Variants in WFS1 observed in about 807,000 individuals in gnomAD.
WFS1 encodes wolframin ER transmembrane glycoprotein, also known as wolframin.
In WFS1, 90 loss-of-function variants were observed where a neutral mutation model predicts 68.5. The observed-to-expected ratio is 1.31, with a 90% CI of 1.11 to 1.56. The LOEUF (loss-of-function observed/expected upper bound fraction) is 1.56, where lower values mean the gene tolerates loss of function less well. WFS1 is among the 40% of genes most tolerant of loss of function. The probability of loss-of-function intolerance (pLI) is 0.00; values close to 1 mark genes in which losing one functional copy is unlikely to be tolerated. For synonymous variants in WFS1, 860 were observed against 540.7 expected, an observed-to-expected ratio of 1.59 and a Z score of -8.19; for missense variants, 1,767 against 1,232.6, an observed-to-expected ratio of 1.43 and a Z score of -6.49.
chr4:6,298,175 C>G (rs6823148), intron 7 of WFS1, among the ~76,000 whole-genome samples: 2 of 152,194 alleles, frequency 1.3e-5, no homozygotes. Context: ...TCCTGCTGTT[C>G]GCAAGGCCCC....
intron 7 of WFS1, among the ~76,000 whole-genome samples, chr4:6,295,570 T>A (rs1207120814): frequency 6.6e-6 from 1 of 152,168 alleles, no homozygotes; most frequent in Admixed American, 6.5e-5. Flanking sequence ...GGCCAGTGCC[T>A]TGAAGATGCC....
Position 6,302,923 on chromosome 4 carries a change from A to G in WFS1, c.*455A>G, listed in dbSNP as rs756674774. ...ATTTGTTTGGTCACTGCTACACCTT[A>G]GCAGCTCTTCCCCTTTCCTGGGGGA... On this transcript the variant is annotated 3_prime_UTR_variant, in exon 8 of 8. Transcript: ENST00000226760. 2.5e-4 allele frequency: 48 copies of G among 190,610 alleles called. No homozygotes were observed. Among genetic ancestry groups the G allele is most frequent in the Admixed American group, 5.3e-4 (10 of 18,742 alleles). The allele number at this position is 190,610 out of a possible 1,614,324, so 11.8% of individuals were successfully genotyped here.
At position 6,277,476 on chromosome 4, in the gene WFS1, G is replaced by T. The variant is rs372928810; in HGVS notation, c.21G>T (p.Pro7=). 3,356 of 1,557,912 alleles carry T rather than the reference G, an allele frequency of 2.2e-3. 103 individuals carry two copies. In the South Asian group the frequency reaches 0.037, roughly 17 times the overall value. Residue 7 remains proline, a synonymous_variant, in exon 2 of 8, where the codon CCG becomes CCT. Coordinates refer to ENST00000226760, the MANE Select transcript of WFS1 (RefSeq NM_006005.3). MDSNTA[P]LGPSCPQPPP... is the part of the protein sequence containing the mutation. ...GCAGGATGGACTCCAACACTGCTCC[G>T]CTGGGCCCCTCCTGCCCACAGCCCC...
chr4:6,300,272 C>T (rs1218799782), intron 7 of WFS1, among the ~76,000 whole-genome samples: 1 of 152,172 alleles, frequency 6.6e-6, no homozygotes, highest in African/African-American at 2.4e-5. Context: ...AGCTCCCAGA[C>T]AGGCATCTCA....
chr4:6,293,749 T>C (rs1730542894), intron 6 of WFS1, among the ~76,000 whole-genome samples: 1 of 152,202 alleles, frequency 6.6e-6, no homozygotes, highest in African/African-American at 2.4e-5. Context: ...GGGGCCTTCC[T>C]TGTGGGGACC....
intron 7 of WFS1, among the ~76,000 whole-genome samples, chr4:6,298,637 T>C (rs1730720953): frequency 6.6e-6 from 1 of 151,786 alleles, no homozygotes; most frequent in South Asian, 2.1e-4. Context: ...AGGCTCAGTC[T>C]GTGTAGACAT....
chr4:6,298,449 G>T (rs1457658196), intron 7 of WFS1, among the ~76,000 whole-genome samples: 1 of 151,220 alleles, frequency 6.6e-6, no homozygotes, highest in Non-Finnish European at 1.5e-5. Context: ...ACCCCAGAGA[G>T]AGCTAGGGGA....
chr4:6,301,715 C>CA lies in WFS1; in HGVS notation c.1921dup (p.Thr641AsnfsTer71), dbSNP rs1560420505. The CA allele has an allele frequency of 1.2e-6, 2 of 1,614,066 alleles. No homozygotes were observed. Among genetic ancestry groups the CA allele is most frequent in the Non-Finnish European group, 1.7e-6 (2 of 1,180,050 alleles). ...TGGTCAAGCTCATCCTGGTGTGGCTCACGGCCATCGTGCTGTTCTGCTGGT... is the reference window on the plus strand; with the variant it reads ...TGGTCAAGCTCATCCTGGTGTGGCTCAACGGCCATCGTGCTGTTCTGCTGGT... On this transcript the variant is annotated frameshift_variant, in exon 8 of 8. Coordinates refer to ENST00000226760, the MANE Select transcript of WFS1 (RefSeq NM_006005.3). LOFTEE classifies it high-confidence loss of function.
Position 6,301,327 on chromosome 4 carries a change from T to C in WFS1, c.1532T>C (p.Leu511Pro). 6.2e-7 allele frequency: 1 copy of C among 1,611,912 alleles called. No individual in the cohort carries two copies. Residue 511 changes from leucine (L) to proline (P), a missense_variant, in exon 8 of 8, where the codon CTG (leucine) becomes CCG (proline). Transcript: ENST00000226760. ...GTCCCGTGCCTGCTCTATGTCTACC[T>C]GCTCTATCTCTTCTTCCGCATGGCA... ...VSVPCLLYVY[L>P]LYLFFRMAQL...
rs80041271 is a variant in WFS1, at chr4:6,295,467, G to A, written c.861+278G>A. ...AAGCAAGGGGCCCCTGGGTCTTTCT[G>A]TGCAGTGTAGGGGGCAGTGGGGCGG... On this transcript the variant is annotated intron_variant, in intron 7 of 7. Coordinates refer to ENST00000226760, the MANE Select transcript of WFS1 (RefSeq NM_006005.3). Among the ~76,000 whole-genome samples, 519 of 152,222 alleles carry A rather than the reference G, an allele frequency of 3.4e-3. 13 individuals carry two copies. The East Asian group carries it at 0.06, about 18-fold the overall frequency.
intron 1 of WFS1, among the ~76,000 whole-genome samples, chr4:6,276,224 C>T (rs1729990649): frequency 6.6e-6 from 1 of 152,210 alleles, no homozygotes; most frequent in South Asian, 2.1e-4. Flanking sequence ...GCATCCCACC[C>T]CTAACGCCGC....
chr4:6,279,887 A>G (rs1183940177), intron 2 of WFS1, among the ~76,000 whole-genome samples: 3 of 152,206 alleles, frequency 2.0e-5, no homozygotes, highest in African/African-American at 4.8e-5. Flanking sequence ...TCCCTGAGGA[A>G]CTGACCCCCT....
At position 6,301,837 on chromosome 4, in the gene WFS1, C is replaced by G. The variant is rs1730937357; in HGVS notation, c.2042C>G (p.Thr681Ser). ...ALCGPRAWKETNMARTQILCS... is the reference protein window; with the variant it reads ...ALCGPRAWKESNMARTQILCS... Reference sequence around the variant, plus strand: ...TGCGGGCCACGCGCCTGGAAGGAGACCAACATGGCGCGCACCCAGATCCTC... The same window carrying G: ...TGCGGGCCACGCGCCTGGAAGGAGAGCAACATGGCGCGCACCCAGATCCTC... The change falls in exon 8 of 8, where the codon ACC becomes AGC. Residue 681 changes from threonine (T) to serine (S), a missense_variant. Physicochemically the swap from Thr to Ser is moderately conservative, Grantham distance 58. Coordinates refer to ENST00000226760, the MANE Select transcript of WFS1 (RefSeq NM_006005.3). 1.2e-6 allele frequency: 2 copies of G among 1,613,022 alleles called. No individual in the cohort carries two copies. The highest frequency in any genetic ancestry group is 4.5e-5 in the East Asian group (2 of 44,894).
intron 5 of WFS1, among the ~76,000 whole-genome samples, 181 bp downstream of exon 5, chr4:6,291,548 T>G (rs1183785546): frequency 6.6e-6 from 1 of 152,140 alleles, no homozygotes. Flanking sequence ...AACCTTCCTG[T>G]AGAGACCGTG....
In WFS1 at chr4:6,300,422, A is replaced by AC. The variant is rs55646815; in HGVS notation, c.862-234dup. Among the ~76,000 whole-genome samples the AC allele has an allele frequency of 5.4e-3, 828 of 152,042 alleles. 6 individuals carry two copies. The highest frequency in any genetic ancestry group is 0.01 in the Middle Eastern group (3 of 294). On this transcript the variant is annotated intron_variant, in intron 7 of 7. Coordinates refer to ENST00000226760, the MANE Select transcript of WFS1 (RefSeq NM_006005.3). ...GCTGGTAGAAGGTGGGGAGCCAGGCACGGGGCAGAGGGGGGCTCCAGGCCC... is the reference window on the plus strand; with the variant it reads ...GCTGGTAGAAGGTGGGGAGCCAGGCACCGGGGCAGAGGGGGGCTCCAGGCCC...
At chr4:6,276,316 A>G (rs1729993511) in intron 1 of WFS1, among the ~76,000 whole-genome samples, 1 of 152,034 alleles carries the variant, frequency 6.6e-6, no homozygotes, top group African/African-American at 2.4e-5. Flanking sequence ...GTTGTCCTTC[A>G]TTACAGGGAT....
chr4:6,295,222 C>G, intron 7 of WFS1, 33 bp downstream of exon 7: 2 of 1,609,642 alleles, frequency 1.2e-6, no homozygotes, highest in Non-Finnish European at 1.7e-6. Flanking sequence ...AGGCCGGAGC[C>G]TGCCTCCCAA....
Position 6,283,932 on chromosome 4 carries a change from T to G in WFS1, c.233-3161T>G, listed in dbSNP as rs56929437. On this transcript the variant is annotated intron_variant, in intron 2 of 7. Coordinates refer to ENST00000226760, the MANE Select transcript of WFS1 (RefSeq NM_006005.3). This position sits in a 1 kb window ranked among gnomAD's most constrained non-coding sequence, Gnocchi z 5.0. ...GCAGCCGGCTTCTGGGGGTGATCTTTCTGGCACTGAGCAGTGAGCATGCTG... is the reference window on the plus strand; with the variant it reads ...GCAGCCGGCTTCTGGGGGTGATCTTGCTGGCACTGAGCAGTGAGCATGCTG... Among the ~76,000 whole-genome samples the G allele has an allele frequency of 8.3e-3, 1,256 of 152,120 alleles. 21 individuals carry two copies. The highest frequency in any genetic ancestry group is 0.027 in the African/African-American group (1,134 of 41,490).
rs1348736420 is a variant in WFS1, at chr4:6,277,563, G to A, written c.108G>A (p.Glu36=). 3 of 1,589,826 alleles carry A rather than the reference G, an allele frequency of 1.9e-6. No homozygotes were observed. The Admixed American group carries it at 5.3e-5, about 28-fold the overall frequency. The change falls in exon 2 of 8, where the codon GAG becomes GAA. Residue 36 remains glutamate, a synonymous_variant. Coordinates refer to ENST00000226760, the MANE Select transcript of WFS1 (RefSeq NM_006005.3). ...RLNATASLEQ[E]RSERPRAPGP... is the part of the protein sequence containing the mutation. ...ATGCCACAGCCTCGTTGGAGCAGGA[G>A]AGGAGCGAAAGGCCCCGAGCACCCG... is the stretch of plus-strand genomic sequence containing the variant.
Sources: gnomAD v4.1 joint callset for allele counts (sites outside exome capture counted in the v4.1 genomes callset) on GRCh38, gnomAD v4.1.1 for gene constraint, Gnocchi (gnomAD v3.1) non-coding constraint, MANE v1.5 for transcripts, NCBI Gene and HGNC (gene_info 2026-07-23, HGNC 2026-07-21) for gene names.